Variants in KCNH7 observed in about 807,000 individuals in gnomAD.
KCNH7 encodes potassium voltage-gated channel subfamily H member 7, also known as voltage-gated inwardly rectifying potassium channel KCNH7.
In KCNH7, 49 loss-of-function variants were observed where a neutral mutation model predicts 120.8. The ratio of observed to expected loss-of-function variants is 0.41; its 90% CI spans 0.32 to 0.51. The LOEUF is 0.51. KCNH7 is among the 20% of genes least tolerant of loss of function. KCNH7 has a pLI of 0.38. For synonymous variants in KCNH7, 547 were observed against 516.1 expected (o/e 1.06, Z -0.81); for missense variants, 1,097 against 1,446.6 (o/e 0.76, Z 3.92).
At chr2:162,528,093 T>A (rs1691777120) in intron 3 of KCNH7, 1 of 151,956 alleles carries the variant, frequency 6.6e-6, no homozygotes, top group Admixed American at 6.6e-5. Context: ...GCAATCTGAG[T>A]AATGCCCATT....
chr2:162,405,834 T>C (rs1687198588), intron 9 of KCNH7, among the ~76,000 whole-genome samples: 1 of 151,986 alleles, frequency 6.6e-6, no homozygotes, highest in South Asian at 2.1e-4. Flanking sequence ...AAAACAAGTT[T>C]AGCTCAGGCC....
chr2:162,492,865 GT>G (rs67006443), intron 6 of KCNH7, among the ~76,000 whole-genome samples: 1 of 57,180 alleles, frequency 1.7e-5, no homozygotes, highest in Non-Finnish European at 3.6e-5. Flanking sequence ...CTTGGATCTT[GT>G]TTTTTTTTTT....
intron 2 of KCNH7, among the ~76,000 whole-genome samples, chr2:162,711,382 C>G (rs1686924686): frequency 6.6e-6 from 1 of 152,198 alleles, no homozygotes; most frequent in African/African-American, 2.4e-5. Flanking sequence ...CAGTCTCTGA[C>G]CAGCAACACC....
At chr2:162,617,387 G>A (rs1239016961) in intron 2 of KCNH7, among the ~76,000 whole-genome samples, 1 of 152,146 alleles carries the variant, frequency 6.6e-6, no homozygotes, top group Non-Finnish European at 1.5e-5. Flanking sequence ...GCTGAGGCAG[G>A]AGAATGGCCT....
chr2:162,689,310 C>T (rs1051654341), intron 2 of KCNH7, among the ~76,000 whole-genome samples: 5 of 152,026 alleles, frequency 3.3e-5, no homozygotes, highest in African/African-American at 1.2e-4. Context: ...ACCACCATGC[C>T]TGGCTGATTT....
At chr2:162,758,667 C>T (rs533776256) in intron 2 of KCNH7, among the ~76,000 whole-genome samples, 2 of 151,920 alleles carry the variant, frequency 1.3e-5, no homozygotes, top group African/African-American at 4.8e-5. Flanking sequence ...AGCATATAAT[C>T]GAGCAAATCT....
chr2:162,519,102 G>A (rs1402356691), intron 3 of KCNH7, among the ~76,000 whole-genome samples: 3 of 151,724 alleles, frequency 2.0e-5, no homozygotes, highest in Non-Finnish European at 2.9e-5. Context: ...AAAGAATGCT[G>A]GGGAGCATTC....
chr2:162,617,731 C>T (rs1384278791), intron 2 of KCNH7, among the ~76,000 whole-genome samples: 2 of 152,036 alleles, frequency 1.3e-5, no homozygotes, highest in Non-Finnish European at 2.9e-5. Context: ...AAACTGGTTA[C>T]TAATGTACAA....
chr2:162,436,081 CAA>C (rs1471399538), intron 7 of KCNH7, among the ~76,000 whole-genome samples: 1 of 151,196 alleles, frequency 6.6e-6, no homozygotes, highest in Non-Finnish European at 1.5e-5. Flanking sequence ...TAAAAACAAA[CAA>C]ATAATTAATT....
chr2:162,579,146 A>C (rs1261445532), intron 2 of KCNH7, among the ~76,000 whole-genome samples: 1 of 152,022 alleles, frequency 6.6e-6, no homozygotes, highest in East Asian at 1.9e-4. Flanking sequence ...TAATTTGAGC[A>C]GCAAGCCAAG....
At chr2:162,374,228 C>G (rs766360692) in intron 14 of KCNH7, among the ~76,000 whole-genome samples, 101 of 152,246 alleles carry the variant, frequency 6.6e-4, no homozygotes, top group Non-Finnish European at 1.1e-3. Context: ...CTTTTTCCCT[C>G]TTAATATGTC....
intron 8 of KCNH7, among the ~76,000 whole-genome samples, chr2:162,434,156 A>G (rs1020304485): frequency 6.6e-6 from 1 of 152,098 alleles, no homozygotes; most frequent in Non-Finnish European, 1.5e-5. Context: ...ACATGTTCTC[A>G]CTTATAAGTG....
intron 12 of KCNH7, among the ~76,000 whole-genome samples, chr2:162,391,341 A>C (rs1160389354): frequency 6.6e-6 from 1 of 152,100 alleles, no homozygotes; most frequent in African/African-American, 2.4e-5. Context: ...GTATATGATG[A>C]ATGCTCACCT....
chr2:162,724,343 T>A (rs913183546), intron 2 of KCNH7, among the ~76,000 whole-genome samples: 1 of 152,190 alleles, frequency 6.6e-6, no homozygotes, highest in Non-Finnish European at 1.5e-5. Context: ...TTAGGCACAG[T>A]AAAATATTAA....
intron 2 of KCNH7, among the ~76,000 whole-genome samples, chr2:162,605,444 T>C (rs1682715742): frequency 6.6e-6 from 1 of 152,138 alleles, no homozygotes; most frequent in South Asian, 2.1e-4. Flanking sequence ...AGAAGGTTTG[T>C]TAAATCTGAT....
At chr2:162,638,048 T>C (rs1346410420) in intron 2 of KCNH7, among the ~76,000 whole-genome samples, 1 of 152,100 alleles carries the variant, frequency 6.6e-6, no homozygotes, top group Non-Finnish European at 1.5e-5. Flanking sequence ...AAGCACACTC[T>C]AGCTATAATA....
intron 2 of KCNH7, among the ~76,000 whole-genome samples, chr2:162,646,090 C>G (rs1684350677): frequency 6.6e-6 from 1 of 152,078 alleles, no homozygotes; most frequent in Non-Finnish European, 1.5e-5. Flanking sequence ...GTGTATACAG[C>G]AAAACATACC....
At chr2:162,771,057 C>T (rs1161114578) in intron 2 of KCNH7, among the ~76,000 whole-genome samples, 3 of 152,114 alleles carry the variant, frequency 2.0e-5, no homozygotes, top group East Asian at 1.9e-4. Flanking sequence ...CATTTTCATT[C>T]TCATTCACCT....
At chr2:162,756,092 CAT>C (rs1688779546) in intron 2 of KCNH7, among the ~76,000 whole-genome samples, 1 of 152,080 alleles carries the variant, frequency 6.6e-6, no homozygotes, top group Admixed American at 6.6e-5. Flanking sequence ...ACTTAATCAT[CAT>C]AAGTGAGTTA....
Sources: gnomAD v4.1 joint callset for allele counts (sites outside exome capture counted in the v4.1 genomes callset) on GRCh38, gnomAD v4.1.1 for gene constraint, MANE v1.5 for transcripts, NCBI Gene and HGNC (gene_info 2026-07-23, HGNC 2026-07-21) for gene names.